PTPRD: variants seen among roughly 807,000 people sequenced by gnomAD.
The protein encoded by PTPRD is receptor-type tyrosine-protein phosphatase delta.
A neutral mutation model predicts 214.5 loss-of-function variants in PTPRD; 34 were observed. That is an observed-to-expected ratio of 0.16 (90% CI 0.12 to 0.21). The LOEUF (loss-of-function observed/expected upper bound fraction) is 0.21, where lower values mean the gene tolerates loss of function less well. Among genes scored for constraint, PTPRD ranks in the 10% least tolerant of loss-of-function variants. The pLI is 1.00. For synonymous variants in PTPRD, 1,128 were observed against 845.7 expected (o/e 1.33, Z -5.79); for missense variants, 2,545 against 2,398.7 (o/e 1.06, Z -1.27).
At chr9:10,351,236 T>C (rs1175016899) in intron 2 of PTPRD, among the ~76,000 whole-genome samples, 3 of 152,132 alleles carry the variant, frequency 2.0e-5, no homozygotes, top group African/African-American at 7.2e-5. Flanking sequence ...CTATCGTGGA[T>C]TATCTAAATT....
At chr9:9,937,009 G>A (rs2089728892) in intron 5 of PTPRD, among the ~76,000 whole-genome samples, 1 of 151,714 alleles carries the variant, frequency 6.6e-6, no homozygotes, top group Non-Finnish European at 1.5e-5. Flanking sequence ...CTCACTCATA[G>A]GTGGGAATTG....
chr9:9,508,382 C>T (rs546304304), intron 8 of PTPRD, among the ~76,000 whole-genome samples: 3 of 151,466 alleles, frequency 2.0e-5, no homozygotes, highest in East Asian at 1.9e-4. Flanking sequence ...AATGACCTTT[C>T]GTGAGTAGAA....
chr9:10,220,995 C>A (rs1170270597), intron 3 of PTPRD, among the ~76,000 whole-genome samples: 1 of 151,856 alleles, frequency 6.6e-6, no homozygotes, highest in African/African-American at 2.4e-5. Context: ...CAGAAGGTCA[C>A]TGTGAACAGC....
intron 9 of PTPRD, among the ~76,000 whole-genome samples, chr9:9,322,657 G>C (rs1323092066): frequency 6.6e-6 from 1 of 152,164 alleles, no homozygotes; most frequent in African/African-American, 2.4e-5. Flanking sequence ...TTTATTAAAT[G>C]AGTAAATCAG....
At chr9:9,203,889 A>G (rs1034944465) in intron 9 of PTPRD, among the ~76,000 whole-genome samples, 1 of 152,182 alleles carries the variant, frequency 6.6e-6, no homozygotes, top group African/African-American at 2.4e-5. Context: ...GTAGAGTATG[A>G]GAAGAATTGG....
At chr9:10,425,743 A>G (rs989898959) in intron 2 of PTPRD, among the ~76,000 whole-genome samples, 1 of 151,964 alleles carries the variant, frequency 6.6e-6, no homozygotes, top group Non-Finnish European at 1.5e-5. Flanking sequence ...AAAGTGTGGA[A>G]GATGTCATTA....
intron 11 of PTPRD, among the ~76,000 whole-genome samples, chr9:8,773,922 G>A (rs2095346980): frequency 6.6e-6 from 1 of 152,098 alleles, no homozygotes; most frequent in Admixed American, 6.5e-5. Context: ...TAATGTCTGT[G>A]AAGCTTTCCT....
At chr9:8,788,247 A>G (rs1023238513) in intron 11 of PTPRD, among the ~76,000 whole-genome samples, 4 of 146,160 alleles carry the variant, frequency 2.7e-5, no homozygotes, top group Non-Finnish European at 4.5e-5. Context: ...TGGTTCATAT[A>G]AGATGATTTT....
chr9:9,368,551 C>G (rs2058524557), intron 9 of PTPRD, among the ~76,000 whole-genome samples: 1 of 151,672 alleles, frequency 6.6e-6, no homozygotes, highest in Non-Finnish European at 1.5e-5. Flanking sequence ...CAGAGAGAGG[C>G]TAGGTTGAGG....
At chr9:10,599,848 C>T (rs2077523955) in intron 2 of PTPRD, among the ~76,000 whole-genome samples, 1 of 151,884 alleles carries the variant, frequency 6.6e-6, no homozygotes, top group South Asian at 2.1e-4. Flanking sequence ...GGCTTTTACG[C>T]TTCCCAGTTA....
At chr9:8,523,891 G>GA (rs1469277928) in intron 18 of PTPRD, among the ~76,000 whole-genome samples, 2 of 152,036 alleles carry the variant, frequency 1.3e-5, no homozygotes, top group Non-Finnish European at 1.5e-5. Context: ...AGAAAGGAGA[G>GA]AAAAACATCC....
At chr9:10,145,315 T>C (rs2099014843) in intron 3 of PTPRD, among the ~76,000 whole-genome samples, 2 of 152,102 alleles carry the variant, frequency 1.3e-5, no homozygotes, top group South Asian at 4.1e-4. Flanking sequence ...TTAAACTGAA[T>C]GGGTCCATCT....
chr9:8,930,541 T>A (rs576304142), intron 11 of PTPRD, among the ~76,000 whole-genome samples: 543 of 151,998 alleles, frequency 3.6e-3, no homozygotes, highest in South Asian at 0.014. Flanking sequence ...CGCCACACTG[T>A]CTTCCACAAT....
chr9:8,593,257 G>T (rs1202062280), intron 14 of PTPRD, among the ~76,000 whole-genome samples: 1 of 152,146 alleles, frequency 6.6e-6, no homozygotes, highest in East Asian at 1.9e-4. Flanking sequence ...GCTAAGGATG[G>T]TTAAGATGGT....
At chr9:9,779,155 G>C (rs1481037018) in intron 5 of PTPRD, among the ~76,000 whole-genome samples, 1 of 145,838 alleles carries the variant, frequency 6.9e-6, no homozygotes, top group Non-Finnish European at 1.5e-5. Flanking sequence ...TAGCCACATG[G>C]AAAAGAATGA....
At chr9:10,151,342 A>G (rs1408247575) in intron 3 of PTPRD, among the ~76,000 whole-genome samples, 1 of 138,034 alleles carries the variant, frequency 7.2e-6, no homozygotes, top group East Asian at 2.1e-4. Context: ...GGCTCACTGC[A>G]ACCTTTGCCT....
intron 39 of PTPRD, among the ~76,000 whole-genome samples, chr9:8,370,434 A>T (rs1032113263): frequency 1.3e-5 from 2 of 152,084 alleles, no homozygotes; most frequent in Non-Finnish European, 2.9e-5. Context: ...TGAACAAATC[A>T]CTTATTACCT....
At chr9:9,364,540 G>C (rs1236453272) in intron 9 of PTPRD, among the ~76,000 whole-genome samples, 1 of 151,430 alleles carries the variant, frequency 6.6e-6, no homozygotes, top group African/African-American at 2.4e-5. Context: ...ATATACGAGG[G>C]AAGAGCATTC....
intron 5 of PTPRD, among the ~76,000 whole-genome samples, chr9:9,777,894 T>A (rs528604195): frequency 6.6e-6 from 1 of 152,062 alleles, no homozygotes; most frequent in African/African-American, 2.4e-5. Context: ...TTACCCCAAA[T>A]GGGTTTATAC....
Sources: allele counts gnomAD v4.1 joint callset (sites outside exome capture counted in the v4.1 genomes callset), GRCh38; gene constraint gnomAD v4.1.1; transcripts MANE v1.5; gene names NCBI Gene and HGNC (gene_info 2026-07-23, HGNC 2026-07-21).